Variants in LCOR observed in about 807,000 individuals in gnomAD.
LCOR encodes the protein ligand-dependent corepressor.
LCOR carries 14 observed loss-of-function variants against 64.4 expected under a neutral mutation model. That is an observed-to-expected ratio of 0.22 (90% CI 0.14 to 0.34). The LOEUF (loss-of-function observed/expected upper bound fraction) is 0.34. Among genes scored for constraint, LCOR ranks in the 10% least tolerant of loss-of-function variants. LCOR has a pLI of 1.00. For missense variants in LCOR, 1,686 were observed against 1,765.3 expected, an observed-to-expected ratio of 0.96 and a Z score of 0.80; for synonymous variants, 643 against 642.5, an observed-to-expected ratio of 1.00 and a Z score of -0.01.
Position 96,887,424 on chromosome 10 carries a change from G to A in LCOR, c.-329-19841G>A, listed in dbSNP as rs539915337. Among the ~76,000 whole-genome samples, 188 of 151,914 alleles carry A rather than the reference G, an allele frequency of 1.2e-3. 4 individuals are homozygous for A. The highest frequency in any genetic ancestry group is 0.01 in the Admixed American group (153 of 15,260). On this transcript the variant is annotated intron_variant, in intron 2 of 7. Coordinates refer to ENST00000421806, the MANE Select transcript of LCOR (RefSeq NM_001346516.2). ...TAAAAATACAAAAAATTAGCCGGGC[G>A]TCGTGGCGGGCGCCTGTAGTCCCAG...
In LCOR at chr10:96,920,404, G is replaced by A. The variant is rs1054059008; in HGVS notation, c.-184+12657G>A. On this transcript the variant is annotated intron_variant, in intron 4 of 7. Transcript: ENST00000421806. ...TTCATATATATATGTGTATATATGT[G>A]TATATATGTATATATATTCATATAT... is the stretch of plus-strand genomic sequence containing the variant. 5.0e-3 allele frequency among the ~76,000 whole-genome samples: 722 copies of A among 145,140 alleles called. 6 individuals carry two copies. The highest frequency in any genetic ancestry group is 6.5e-3 in the Non-Finnish European group (432 of 66,872).
chr10:96,912,478 G>C (rs575750024), intron 4 of LCOR, among the ~76,000 whole-genome samples: 3 of 152,158 alleles, frequency 2.0e-5, no homozygotes, highest in Non-Finnish European at 2.9e-5. Flanking sequence ...ATCCAGTCCA[G>C]GATTACAGTC....
At chr10:96,961,511 A>G (rs1344620874) in intron 7 of LCOR, 1 of 152,180 alleles carries the variant, frequency 6.6e-6, no homozygotes, top group Non-Finnish European at 1.5e-5. Context: ...ATATTTGAAG[A>G]TCCATACCTC....
intron 7 of LCOR, among the ~76,000 whole-genome samples, chr10:96,953,376 A>AC (rs1362590337): frequency 6.6e-6 from 1 of 151,944 alleles, no homozygotes; most frequent in Non-Finnish European, 1.5e-5. Flanking sequence ...ACATGGCAAA[A>AC]CCCCGTCTCT....
intron 2 of LCOR, among the ~76,000 whole-genome samples, chr10:96,857,534 TCTTA>T (rs1382392034): frequency 6.6e-6 from 1 of 152,156 alleles, no homozygotes; most frequent in African/African-American, 2.4e-5. Flanking sequence ...CTCTATATAC[TCTTA>T]CTTCTCTCTC....
intron 4 of LCOR, among the ~76,000 whole-genome samples, chr10:96,912,088 C>T (rs897462487): frequency 2.6e-5 from 4 of 152,086 alleles, no homozygotes; most frequent in South Asian, 4.2e-4. Flanking sequence ...CATGCCACCA[C>T]GCCCAGCTAA....
intron 5 of LCOR, among the ~76,000 whole-genome samples, chr10:96,948,700 GAA>G (rs1364074400): frequency 3.9e-5 from 6 of 152,148 alleles, no homozygotes; most frequent in Non-Finnish European, 8.8e-5. Context: ...TTTCCTAAGT[GAA>G]GGGTTTTGGG....
In LCOR at chr10:96,992,524, A is replaced by C. The variant is rs1848209727; in HGVS notation, c.*7390A>C. On this transcript the variant is annotated 3_prime_UTR_variant, in exon 8 of 8. Transcript: ENST00000421806. ...CTCCCCCACTGTCACCCCATCCCAC[A>C]ACAAAGTGGGAATCCCATCATGGGT... 1 of 152,292 alleles carries C rather than the reference A, an allele frequency of 6.6e-6. No individual in the cohort carries two copies. The highest frequency in any genetic ancestry group is 1.5e-5 in the Non-Finnish European group (1 of 68,076). The allele number at this position is 152,292 out of a possible 1,614,324, so 9.4% of individuals were successfully genotyped here.
Position 96,984,334 on chromosome 10 carries a change from G to T in LCOR, c.3874G>T (p.Asp1292Tyr). 6.2e-7 allele frequency: 1 copy of T among 1,614,098 alleles called. No individual in the cohort carries two copies. The highest frequency in any genetic ancestry group is 1.1e-5 in the South Asian group (1 of 91,082). The part of the protein sequence containing the change: ...SEDSIEEVKE[D>Y]RNSHPPANLP... ...AGACAGCATAGAGGAAGTCAAGGAA[G>T]ATAGAAACAGTCATCCTCCAGCAAA... The change falls in exon 8 of 8, where the codon GAT becomes TAT. Residue 1292 changes from aspartate (D) to tyrosine (Y), a missense_variant. This residue lies in a region of LCOR where 1,293 missense variants were observed against 1,410.4 expected (regional missense o/e 0.92). Transcript: ENST00000421806.
intron 2 of LCOR, among the ~76,000 whole-genome samples, chr10:96,900,119 T>C (rs945907231): frequency 6.6e-6 from 1 of 152,190 alleles, no homozygotes; most frequent in African/African-American, 2.4e-5. Context: ...ACTAATGTAC[T>C]TTCTTCTATC....
intron 2 of LCOR, among the ~76,000 whole-genome samples, chr10:96,859,614 G>C (rs533509475): frequency 6.6e-6 from 1 of 152,232 alleles, no homozygotes; most frequent in Admixed American, 6.5e-5. Flanking sequence ...CTGGAGTGCA[G>C]TGGTGTGATC....
intron 2 of LCOR, among the ~76,000 whole-genome samples, chr10:96,850,968 A>G (rs992216146): frequency 2.0e-5 from 3 of 152,252 alleles, no homozygotes; most frequent in Admixed American, 6.5e-5. Flanking sequence ...CAAGGACAGA[A>G]TAACTGTTCT....
intron 2 of LCOR, among the ~76,000 whole-genome samples, chr10:96,869,094 CG>C (rs1439235436): frequency 6.6e-6 from 1 of 151,976 alleles, no homozygotes; most frequent in Admixed American, 6.6e-5. Flanking sequence ...TTAGTAGATA[CG>C]GGGTTTCACC....
At chr10:96,859,547 A>G (rs1564605805) in intron 2 of LCOR, among the ~76,000 whole-genome samples, 1 of 151,730 alleles carries the variant, frequency 6.6e-6, no homozygotes, top group Non-Finnish European at 1.5e-5. Context: ...AGAATCCCAG[A>G]AGGAGGCATG....
chr10:96,948,881 A>G, intron 5 of LCOR, 127 bp from the exon 6 acceptor site: 1 of 622,068 alleles, frequency 1.6e-6, no homozygotes, highest in Non-Finnish European at 2.6e-6. Context: ...ACATAAGTCA[A>G]AGGGGAGATA....
chr10:96,905,677 T>G (rs1179382879), intron 2 of LCOR, among the ~76,000 whole-genome samples: 1 of 152,134 alleles, frequency 6.6e-6, no homozygotes, highest in Non-Finnish European at 1.5e-5. Flanking sequence ...ATATTTTAAT[T>G]TTAGTAGGTA....
chr10:96,980,781 TTC>T lies in LCOR; in HGVS notation c.333-8_333-7del. The T allele has an allele frequency of 1.5e-6, 1 of 668,054 alleles. No individual in the cohort carries two copies. The highest frequency in any genetic ancestry group is 2.7e-6 in the Non-Finnish European group (1 of 367,166). 41.4% of individuals were successfully genotyped at this position (668,054 alleles called of 1,614,324 possible). On this transcript the variant is annotated splice_polypyrimidine_tract_variant and intron_variant, in intron 7 of 7. Coordinates refer to ENST00000421806, the MANE Select transcript of LCOR (RefSeq NM_001346516.2). ...GACAATACTAATTCCTTCTTTCTCT[TTC>T]TCTGTCTAGTGAGAACTCAACAGAG...
At chr10:96,953,553 A>G (rs1847717962) in intron 7 of LCOR, among the ~76,000 whole-genome samples, 1 of 152,002 alleles carries the variant, frequency 6.6e-6, no homozygotes, top group Admixed American at 6.5e-5. Context: ...CTTGTCTCCA[A>G]AACAAAACAA....
intron 4 of LCOR, among the ~76,000 whole-genome samples, chr10:96,931,113 ATAT>A (rs536478094): frequency 1.3e-5 from 2 of 152,060 alleles, no homozygotes; most frequent in Non-Finnish European, 2.9e-5. Context: ...ATTATGACAA[ATAT>A]TATTTATAAT....
Sources: allele counts gnomAD v4.1 joint callset (sites outside exome capture counted in the v4.1 genomes callset), GRCh38; gene constraint gnomAD v4.1.1; regional missense constraint gnomAD v4.1.1; transcripts MANE v1.5; gene names NCBI Gene and HGNC (gene_info 2026-07-23, HGNC 2026-07-21).